VEPH1: variants seen among roughly 807,000 people sequenced by gnomAD.
VEPH1 encodes ventricular zone-expressed PH domain-containing protein homolog 1.
Under a neutral mutation model 85.2 loss-of-function variants are expected in VEPH1, and 80 were observed. The observed-to-expected ratio is 0.94, with a 90% CI of 0.78 to 1.13. The LOEUF is 1.13. Ranked by LOEUF, VEPH1 falls within the 50% of genes most tolerant of loss-of-function variation. The pLI, the probability that VEPH1 is intolerant of heterozygous loss-of-function variation, is 0.00. For synonymous variants in VEPH1, 297 were observed against 348.0 expected, an observed-to-expected ratio of 0.85 and a Z score of 1.63; for missense variants, 955 against 980.5, an observed-to-expected ratio of 0.97 and a Z score of 0.35.
intron 10 of VEPH1, 42 bp from the exon 11 acceptor site, chr3:157,313,797 TGTC>T: frequency 1.2e-6 from 2 of 1,609,068 alleles, no homozygotes; most frequent in Non-Finnish European, 1.7e-6. Context: ...TACTATGTCT[TGTC>T]CCAATAGTAT....
intron 6 of VEPH1, among the ~76,000 whole-genome samples, chr3:157,398,241 C>A (rs1284743276): frequency 1.3e-5 from 2 of 152,144 alleles, no homozygotes; most frequent in East Asian, 3.9e-4. Flanking sequence ...AGAAAGCACC[C>A]AGTTCATGAT....
intron 9 of VEPH1, among the ~76,000 whole-genome samples, chr3:157,326,377 G>A (rs1029110092): frequency 1.3e-5 from 2 of 152,284 alleles, no homozygotes; most frequent in East Asian, 3.9e-4. Context: ...ATATTCAACA[G>A]TTATAGGAGT....
rs557657798 is a variant in VEPH1, at chr3:157,295,840, A to C, written c.2011-9166T>G. On this transcript the variant is annotated intron_variant, in intron 11 of 13. Transcript: ENST00000362010. ...TGTGATGGCACAGGCCTGTCGTCCC[A>C]GCTACCCAGGAGGCTGAGGCTGGAG... Among the ~76,000 whole-genome samples, 11 of 152,316 alleles carry C rather than the reference A, an allele frequency of 7.2e-5. No homozygotes were observed. In the South Asian group the frequency reaches 2.3e-3, roughly 32 times the overall value.
intron 11 of VEPH1, among the ~76,000 whole-genome samples, chr3:157,311,656 A>ATGTGAATAAGTATACT: frequency 6.6e-6 from 1 of 152,352 alleles, no homozygotes; most frequent in African/African-American, 2.4e-5. Context: ...AACACAAGAA[A>ATGTGAATAAGTATACT]TGTGAATAAG....
In VEPH1 at chr3:157,260,957, G is replaced by A. The variant is rs1253853696; in HGVS notation, c.*177C>T. The A allele has an allele frequency of 3.9e-6, 3 of 772,602 alleles. No individual in the cohort carries two copies. In the African/African-American group the frequency reaches 5.3e-5, roughly 14 times the overall value. 47.9% of individuals were successfully genotyped at this position (772,602 alleles called of 1,614,324 possible). A position where few individuals can be genotyped will look rare whatever the true frequency, so the allele number is the denominator to read the frequency against. ...TCTGAAGTCAATACTAAAGCTGTTA[G>A]AGTATGACATTTACTAAGAATCCTG... On this transcript the variant is annotated 3_prime_UTR_variant, in exon 14 of 14. Coordinates refer to ENST00000362010, the MANE Select transcript of VEPH1 (RefSeq NM_001167912.2).
At chr3:157,368,737 C>T (rs978504013) in intron 7 of VEPH1, among the ~76,000 whole-genome samples, 20 of 152,054 alleles carry the variant, frequency 1.3e-4, no homozygotes, top group African/African-American at 3.9e-4. Flanking sequence ...GTGATCCTCC[C>T]GCCTCGGCCA....
intron 9 of VEPH1, among the ~76,000 whole-genome samples, chr3:157,349,963 T>C (rs1044739180): frequency 4.6e-5 from 7 of 152,096 alleles, no homozygotes; most frequent in African/African-American, 9.7e-5. Flanking sequence ...GTCTACAGAT[T>C]CAACGGAGTC....
intron 11 of VEPH1, among the ~76,000 whole-genome samples, chr3:157,311,718 T>G (rs1297764220): frequency 6.6e-6 from 1 of 152,166 alleles, no homozygotes; most frequent in Non-Finnish European, 1.5e-5. Context: ...TTTTTTAATC[T>G]CTTAGGATTT....
intron 9 of VEPH1, among the ~76,000 whole-genome samples, chr3:157,339,576 C>T (rs567185097): frequency 4.6e-5 from 7 of 152,264 alleles, no homozygotes; most frequent in South Asian, 2.1e-4. Context: ...ACACCTCAAC[C>T]TCACACTTCC....
intron 4 of VEPH1, among the ~76,000 whole-genome samples, chr3:157,448,355 G>C: frequency 6.6e-6 from 1 of 152,162 alleles, no homozygotes; most frequent in East Asian, 1.9e-4. Context: ...TGTGCCAGAG[G>C]AGCATGTAAA....
At chr3:157,347,947 A>G (rs1724422160) in intron 9 of VEPH1, among the ~76,000 whole-genome samples, 1 of 152,226 alleles carries the variant, frequency 6.6e-6, no homozygotes, top group Admixed American at 6.5e-5. Flanking sequence ...CGCCACGTTG[A>G]GACCAGACAT....
chr3:157,413,996 T>C lies in VEPH1; in HGVS notation c.791A>G (p.Tyr264Cys), dbSNP rs115836982. Reference sequence around the variant, plus strand: ...AAAACTGTTCAAAGCCACTGGCTCATAGACTGCTATCTCTATGAGGATGTT... The same window carrying C: ...AAAACTGTTCAAAGCCACTGGCTCACAGACTGCTATCTCTATGAGGATGTT... ...ILNILIEIAV[Y>C]EPVALNSFLP... Residue 264 changes from tyrosine to cysteine, a missense_variant, in exon 6 of 14, where the codon TAT (tyrosine) becomes TGT (cysteine). By Grantham distance (194) the Tyr-to-Cys change is radical. Coordinates refer to ENST00000362010, the MANE Select transcript of VEPH1 (RefSeq NM_001167912.2). The C allele has an allele frequency of 1.9e-6, 3 of 1,613,494 alleles. No individual in the cohort carries two copies. The African/African-American group carries it at 4.0e-5, about 22-fold the overall frequency.
At chr3:157,422,795 C>T (rs968112310) in intron 5 of VEPH1, among the ~76,000 whole-genome samples, 1 of 152,180 alleles carries the variant, frequency 6.6e-6, no homozygotes, top group Non-Finnish European at 1.5e-5. Context: ...GTCTTTAACT[C>T]TCCTTGTTTT....
Position 157,447,592 on chromosome 3 carries a change from A to G in VEPH1, c.529+12589T>C, listed in dbSNP as rs114280270. On this transcript the variant is annotated intron_variant, in intron 4 of 13. Transcript: ENST00000362010. Reference sequence around the variant, plus strand: ...ATGAGTGGATATGGTTCTGCTTCCAATCTTTTTTTTTTTTTTTTTTGAAAT... The same window carrying G: ...ATGAGTGGATATGGTTCTGCTTCCAGTCTTTTTTTTTTTTTTTTTTGAAAT... Among the ~76,000 whole-genome samples, 286 of 145,974 alleles carry G rather than the reference A, an allele frequency of 2.0e-3. 3 individuals are homozygous for G. Among genetic ancestry groups the G allele is most frequent in the Non-Finnish European group, 3.0e-3 (200 of 67,396 alleles).
intron 12 of VEPH1, among the ~76,000 whole-genome samples, chr3:157,275,774 A>G (rs1657353867): frequency 2.0e-5 from 3 of 152,164 alleles, no homozygotes; most frequent in Admixed American, 6.5e-5. Flanking sequence ...TATGAATCCT[A>G]TACAGTCTAT....
intron 9 of VEPH1, among the ~76,000 whole-genome samples, chr3:157,323,392 C>T (rs1489176387): frequency 6.6e-6 from 1 of 152,150 alleles, no homozygotes; most frequent in African/African-American, 2.4e-5. Flanking sequence ...GTTGAACTGA[C>T]CTGCACTGAA....
At chr3:157,448,222 A>C (rs1421451708) in intron 4 of VEPH1, among the ~76,000 whole-genome samples, 1 of 152,082 alleles carries the variant, frequency 6.6e-6, no homozygotes, top group Non-Finnish European at 1.5e-5. Context: ...AATTAACTAG[A>C]CAGTATTTTC....
intron 6 of VEPH1, among the ~76,000 whole-genome samples, chr3:157,411,590 T>C (rs1276296544): frequency 6.6e-6 from 1 of 152,156 alleles, no homozygotes; most frequent in Non-Finnish European, 1.5e-5. Context: ...TTAGTAGGCA[T>C]TCTATGGGAT....
Position 157,449,378 on chromosome 3 carries a change from TTA to T in VEPH1, c.529+10801_529+10802del, listed in dbSNP as rs550002094. Among the ~76,000 whole-genome samples the T allele has an allele frequency of 1.3e-4, 20 of 152,300 alleles. No homozygotes were observed. In the South Asian group the frequency reaches 3.1e-3, roughly 24 times the overall value. On this transcript the variant is annotated intron_variant, in intron 4 of 13. Transcript: ENST00000362010. Reference sequence around the variant, plus strand: ...AGGTCTTATTCCATCTGCTATTAATTTATGCATGCTGTGATGTGGACAATTGT... The same window carrying T: ...AGGTCTTATTCCATCTGCTATTAATTTGCATGCTGTGATGTGGACAATTGT...
Sources: allele counts gnomAD v4.1 joint callset (sites outside exome capture counted in the v4.1 genomes callset), GRCh38; gene constraint gnomAD v4.1.1; transcripts MANE v1.5; gene names NCBI Gene and HGNC (gene_info 2026-07-23, HGNC 2026-07-21).